Variants in GRID2 observed in about 807,000 individuals in gnomAD.
GRID2 encodes the protein glutamate ionotropic receptor delta type subunit 2, also known as glutamate receptor ionotropic, delta-2.
A neutral mutation model predicts 114.8 loss-of-function variants in GRID2; 33 were observed. That is an observed-to-expected ratio of 0.29 (90% CI 0.22 to 0.38). The LOEUF (loss-of-function observed/expected upper bound fraction) is 0.38, where lower values mean the gene tolerates loss of function less well. Ranked by LOEUF, GRID2 falls within the 10% of genes least tolerant of loss-of-function variation. The probability of loss-of-function intolerance (pLI) is 1.00; values close to 1 mark genes in which losing one functional copy is unlikely to be tolerated. For synonymous variants in GRID2, 505 were observed against 449.9 expected, an observed-to-expected ratio of 1.12 and a Z score of -1.55; for missense variants, 1,184 against 1,257.7, an observed-to-expected ratio of 0.94 and a Z score of 0.89.
At chr4:93,184,523 A>C (rs1471992201) in intron 4 of GRID2, among the ~76,000 whole-genome samples, 7 of 151,782 alleles carry the variant, frequency 4.6e-5, no homozygotes, top group South Asian at 2.1e-4. Context: ...AAAAAAAAAA[A>C]AAAAAAACTC....
At chr4:92,768,361 G>C (rs1343927338) in intron 2 of GRID2, among the ~76,000 whole-genome samples, 1 of 151,970 alleles carries the variant, frequency 6.6e-6, no homozygotes, top group Non-Finnish European at 1.5e-5. Context: ...CTGGTACTTT[G>C]ATCTGATCTG....
chr4:93,661,707 T>TCAGTG (rs1241752852), intron 14 of GRID2, among the ~76,000 whole-genome samples: 1 of 152,162 alleles, frequency 6.6e-6, no homozygotes, highest in African/African-American at 2.4e-5. Context: ...ATCAGTGAAT[T>TCAGTG]CAGTGTTTGC....
intron 1 of GRID2, among the ~76,000 whole-genome samples, chr4:92,528,309 A>G (rs968142685): frequency 6.7e-6 from 1 of 149,914 alleles, no homozygotes; most frequent in African/African-American, 2.4e-5. Flanking sequence ...GTATATATAT[A>G]TATGTATTCA....
chr4:92,573,270 CT>C (rs1323050628), intron 1 of GRID2, among the ~76,000 whole-genome samples: 2 of 151,946 alleles, frequency 1.3e-5, no homozygotes, highest in African/African-American at 4.8e-5. Flanking sequence ...AAAACAGCTT[CT>C]GGATTTCAGT....
At chr4:92,371,930 G>C (rs986564865) in intron 1 of GRID2, among the ~76,000 whole-genome samples, 1 of 152,082 alleles carries the variant, frequency 6.6e-6, no homozygotes. Flanking sequence ...CACATTAACA[G>C]GGCTTTGGAA....
At chr4:93,783,338 T>C (rs780607217) in intron 1 of GRID2, among the ~76,000 whole-genome samples, 2 of 152,238 alleles carry the variant, frequency 1.3e-5, no homozygotes, top group African/African-American at 2.4e-5. Context: ...ACACAATTAG[T>C]AAGCGAGAAT....
At chr4:93,244,507 T>C (rs1285211131) in intron 8 of GRID2, among the ~76,000 whole-genome samples, 3 of 49,736 alleles carry the variant, frequency 6.0e-5, no homozygotes, top group African/African-American at 7.9e-5. Flanking sequence ...TAATAGATTA[T>C]ATAATCTATT....
intron 2 of GRID2, among the ~76,000 whole-genome samples, chr4:93,072,293 T>C (rs1243668932): frequency 6.6e-6 from 1 of 152,174 alleles, no homozygotes; most frequent in Admixed American, 6.5e-5. Context: ...AGTCTGTCCT[T>C]AGAGATAATC....
chr4:93,040,990 G>A (rs959038631), intron 2 of GRID2, among the ~76,000 whole-genome samples: 3 of 152,006 alleles, frequency 2.0e-5, no homozygotes, highest in Non-Finnish European at 4.4e-5. Context: ...ACCTGAAACT[G>A]TAAAATAAGG....
intron 8 of GRID2, among the ~76,000 whole-genome samples, chr4:93,243,291 A>G (rs1330841108): frequency 2.0e-5 from 3 of 152,178 alleles, no homozygotes; most frequent in East Asian, 3.9e-4. Flanking sequence ...CATTTTATAA[A>G]TGGGGCAGTT....
intron 2 of GRID2, among the ~76,000 whole-genome samples, chr4:93,066,496 A>G (rs1314472408): frequency 6.6e-6 from 1 of 151,918 alleles, no homozygotes; most frequent in Non-Finnish European, 1.5e-5. Flanking sequence ...CTCCTCTTAA[A>G]TTAATACATT....
At chr4:93,338,935 T>C (rs1759359160) in intron 8 of GRID2, among the ~76,000 whole-genome samples, 1 of 152,114 alleles carries the variant, frequency 6.6e-6, no homozygotes, top group South Asian at 2.1e-4. Flanking sequence ...TATGTGACTT[T>C]AGGATGAAAG....
At chr4:93,561,681 C>A (rs543103379) in intron 13 of GRID2, among the ~76,000 whole-genome samples, 1 of 152,184 alleles carries the variant, frequency 6.6e-6, no homozygotes, top group African/African-American at 2.4e-5. Context: ...CTGCACTTCA[C>A]CTACTTACTC....
intron 2 of GRID2, among the ~76,000 whole-genome samples, chr4:92,796,420 A>C (rs1233419478): frequency 6.6e-6 from 1 of 151,920 alleles, no homozygotes; most frequent in Non-Finnish European, 1.5e-5. Flanking sequence ...CTTCTTGTAC[A>C]ACCGAAAGAC....
intron 1 of GRID2, among the ~76,000 whole-genome samples, chr4:93,789,304 T>C (rs1734651291): frequency 6.6e-6 from 1 of 152,220 alleles, no homozygotes; most frequent in African/African-American, 2.4e-5. Context: ...GTAGAACTGT[T>C]ATAAATGTCA....
intron 4 of GRID2, among the ~76,000 whole-genome samples, chr4:93,131,767 T>A (rs1318364400): frequency 6.6e-6 from 1 of 152,180 alleles, no homozygotes; most frequent in Non-Finnish European, 1.5e-5. Context: ...TTTCTTCATG[T>A]TGGAAACATT....
intron 2 of GRID2, among the ~76,000 whole-genome samples, chr4:92,981,305 G>C (rs1024214822): frequency 1.2e-4 from 19 of 152,004 alleles, no homozygotes; most frequent in South Asian, 2.1e-4. Flanking sequence ...CACTGCCAAA[G>C]TCACTGATGT....
chr4:92,926,038 T>G (rs1027914767), intron 2 of GRID2, among the ~76,000 whole-genome samples: 1 of 152,056 alleles, frequency 6.6e-6, no homozygotes, highest in East Asian at 1.9e-4. Flanking sequence ...AACAGTTGTC[T>G]GAGACTGTAT....
At chr4:93,602,980 C>T (rs564249674) in intron 13 of GRID2, among the ~76,000 whole-genome samples, 41 of 152,258 alleles carry the variant, frequency 2.7e-4, no homozygotes, top group Non-Finnish European at 1.8e-4. Flanking sequence ...GAGGCCGAGG[C>T]GGGCAAATCA....
Sources: allele counts gnomAD v4.1 joint callset (sites outside exome capture counted in the v4.1 genomes callset), GRCh38; gene constraint gnomAD v4.1.1; transcripts MANE v1.5; gene names NCBI Gene and HGNC (gene_info 2026-07-23, HGNC 2026-07-21).